Variants in MYH9 observed in about 807,000 individuals in gnomAD.
MYH9 encodes the protein myosin-9.
Under a neutral mutation model 241.9 loss-of-function variants are expected in MYH9, and 29 were observed. That is an observed-to-expected ratio of 0.12 (90% confidence interval 0.09 to 0.16). The LOEUF is 0.16. Among genes scored for constraint, MYH9 ranks in the 10% least tolerant of loss-of-function variants. The pLI is 1.00. For missense variants in MYH9, 1,803 were observed against 2,595.5 expected (o/e 0.69, Z 6.63); for synonymous variants, 1,047 against 1,062.6 (o/e 0.99, Z 0.29).
intron 1 of MYH9, among the ~76,000 whole-genome samples, chr22:36,364,222 A>C (rs984045011): frequency 6.6e-6 from 1 of 152,172 alleles, no homozygotes. Context: ...CACACAAAAA[A>C]AGCGAATGAA....
At position 36,295,411 on chromosome 22, in the gene MYH9, T is replaced by A; in HGVS notation, c.3485+94A>T. The A allele has an allele frequency of 1.0e-6, 1 of 987,982 alleles. No individual in the cohort carries two copies. Among genetic ancestry groups the A allele is most frequent in the Non-Finnish European group, 1.6e-6 (1 of 637,162 alleles). 61.2% of individuals were successfully genotyped at this position (987,982 alleles called of 1,614,324 possible). A position where few individuals can be genotyped will look rare whatever the true frequency, so the allele number is the denominator to read the frequency against. ...GCCTAAGAGGGCCACGGTGTGTGTG[T>A]GTGTGTGTGTGCAGAGGCCCGGGGT... On this transcript the variant is annotated intron_variant, in intron 26 of 40. Transcript: ENST00000216181. The surrounding 1 kb of genome is among the most constrained non-coding windows in gnomAD (Gnocchi z 4.1).
rs2016954929 is a variant in MYH9 at position 36,305,545 on chromosome 22, C to T, written c.2159+385G>A. ...AGTCATTAGAGAAACAGGAAGGTGT[C>T]GCCGTCTTCGCACACAGCAACGCAC... On this transcript the variant is annotated intron_variant, in intron 17 of 40. Transcript: ENST00000216181. The surrounding 1 kb of genome is among the most constrained non-coding windows in gnomAD (Gnocchi z 4.7). 6.6e-6 allele frequency among the ~76,000 whole-genome samples: 1 copy of T among 152,204 alleles called. No individual in the cohort carries two copies. Among genetic ancestry groups the T allele is most frequent in the South Asian group, 2.1e-4 (1 of 4,828 alleles).
chr22:36,362,382 T>C (rs990034989), intron 1 of MYH9, among the ~76,000 whole-genome samples: 2 of 152,166 alleles, frequency 1.3e-5, no homozygotes, highest in African/African-American at 4.8e-5. Context: ...CAGAGCATCT[T>C]AGGCACAGAT....
chr22:36,303,950 TG>T, intron 19 of MYH9, 44 bp downstream of exon 19: 5 of 1,609,068 alleles, frequency 3.1e-6, no homozygotes, highest in Non-Finnish European at 4.2e-6. Flanking sequence ...CAGAAGGGCG[TG>T]GCAAGGCCTG....
In MYH9 at chr22:36,320,382, A is replaced by G. The variant is rs1316883259; in HGVS notation, c.869-19T>C. Reference sequence around the variant, plus strand: ...AGATCGGCTGTAAGGGGTGGAGGGCAAGGGCGCCTCAGCGAGGTGCTGAAA... The same window carrying G: ...AGATCGGCTGTAAGGGGTGGAGGGCGAGGGCGCCTCAGCGAGGTGCTGAAA... On this transcript the variant is annotated intron_variant, in intron 8 of 40. Coordinates refer to ENST00000216181, the MANE Select transcript of MYH9 (RefSeq NM_002473.6). The surrounding 1 kb of genome is among the most constrained non-coding windows in gnomAD (Gnocchi z 4.8). 1 of 1,611,960 alleles carries G rather than the reference A, an allele frequency of 6.2e-7. No individual in the cohort carries two copies. Among genetic ancestry groups the G allele is most frequent in the Non-Finnish European group, 8.5e-7 (1 of 1,180,002 alleles).
At position 36,318,614 on chromosome 22, in the gene MYH9, G is replaced by A. The variant is rs1002246; in HGVS notation, c.1109-289C>T. Among the ~76,000 whole-genome samples the A allele has an allele frequency of 0.41, 62,867 of 151,922 alleles. 14,066 individuals carry two copies. Among genetic ancestry groups the A allele is most frequent in the East Asian group, 0.76 (3,891 of 5,132 alleles). On this transcript the variant is annotated intron_variant, in intron 10 of 40. Transcript: ENST00000216181. ...ACGGGGCAGAGAGGAAGGCGTCCTG[G>A]CTGGAGGCCACAGCGGCAGCAGTGG...
chr22:36,352,449 C>T (rs1005724222), intron 1 of MYH9, among the ~76,000 whole-genome samples: 1 of 152,234 alleles, frequency 6.6e-6, no homozygotes, highest in African/African-American at 2.4e-5. Flanking sequence ...CCAACCCTAA[C>T]AGCAAAGAAC....
intron 1 of MYH9, among the ~76,000 whole-genome samples, chr22:36,384,250 G>A (rs530250516): frequency 5.9e-5 from 9 of 151,356 alleles, no homozygotes; most frequent in Non-Finnish European, 1.2e-4. Flanking sequence ...TAGCCTGGGC[G>A]AGAGTGAGAC....
At chr22:36,321,870 A>G in intron 6 of MYH9, 49 bp from the exon 7 acceptor site, 1 of 1,517,266 alleles carries the variant, frequency 6.6e-7, no homozygotes, top group Non-Finnish European at 9.2e-7. Context: ...TGACATGGGG[A>G]GCTAGAGAGC....
Position 36,310,269 on chromosome 22 carries a change from C to CAA in MYH9, c.1729-875_1729-874dup, listed in dbSNP as rs575607583. On this transcript the variant is annotated intron_variant, in intron 14 of 40. Transcript: ENST00000216181. ...TGGGCAACAGAACAAGACTCCGTCT[C>CAA]AAAAAAAAAAAAAAAAGATAGAGAT... Among the ~76,000 whole-genome samples the CAA allele has an allele frequency of 1.9e-3, 252 of 133,888 alleles. 10 individuals carry two copies. The highest frequency in any genetic ancestry group is 4.1e-3 in the Middle Eastern group (1 of 244). 87.8% of individuals were successfully genotyped at this position (133,888 alleles called of 152,430 possible).
chr22:36,372,870 G>C (rs775181671), intron 1 of MYH9, among the ~76,000 whole-genome samples: 2 of 152,294 alleles, frequency 1.3e-5, no homozygotes, highest in African/African-American at 4.8e-5. Context: ...GGACTTGAGT[G>C]GGGAGCCGGG....
chr22:36,365,994 C>G (rs2018004636), intron 1 of MYH9, among the ~76,000 whole-genome samples: 1 of 152,070 alleles, frequency 6.6e-6, no homozygotes, highest in Non-Finnish European at 1.5e-5. Flanking sequence ...TTCAAGACAG[C>G]CTGGCCAACA....
chr22:36,289,428 G>A, intron 31 of MYH9, 131 bp from the exon 32 acceptor site: 1 of 801,158 alleles, frequency 1.2e-6, no homozygotes. Flanking sequence ...AGGAAGCACA[G>A]GCCCAGGGCT....
At position 36,284,182 on chromosome 22, in the gene MYH9, G is replaced by C; in HGVS notation, c.5676C>G (p.Ser1892=). ...AEEEAQRANA[S]RRKLQRELED... is the part of the protein sequence containing the mutation. ...CCAGCTCGCGCTGCAGTTTCCGGCG[G>C]GAGGCGTTGGCCCGCTGGGCCTCCT... Residue 1892 remains serine, a synonymous_variant, in exon 40 of 41, where the codon TCC becomes TCG. Coordinates refer to ENST00000216181, the MANE Select transcript of MYH9 (RefSeq NM_002473.6). The C allele has an allele frequency of 6.2e-7, 1 of 1,613,952 alleles. No individual in the cohort carries two copies. Among genetic ancestry groups the C allele is most frequent in the Non-Finnish European group, 8.5e-7 (1 of 1,179,962 alleles).
chr22:36,348,851 C>A lies in MYH9; in HGVS notation c.333+53G>T, dbSNP rs1010713304. The A allele has an allele frequency of 2.1e-5, 24 of 1,155,212 alleles. 2 individuals carry two copies. The East Asian group carries it at 2.1e-4, about 10-fold the overall frequency. 71.6% of individuals were successfully genotyped at this position (1,155,212 alleles called of 1,614,324 possible). A position where few individuals can be genotyped will look rare whatever the true frequency, so the allele number is the denominator to read the frequency against. On this transcript the variant is annotated intron_variant, in intron 2 of 40. Coordinates refer to ENST00000216181, the MANE Select transcript of MYH9 (RefSeq NM_002473.6). ...GTGATGGGAAGACCCGCCCCCCCCC[C>A]CCACCTCGGAGCCCTCAGACCCAGC...
Position 36,285,060 on chromosome 22 carries a change from T to C in MYH9, c.5483+61A>G, listed in dbSNP as rs2016555542. ...GTTGTGGCCCAGATTTGGGCAGGAC[T>C]GCAGGGGGGCCAGAGTTTTTTCCAG... On this transcript the variant is annotated intron_variant, in intron 38 of 40. Transcript: ENST00000216181. This position sits in a 1 kb window ranked among gnomAD's most constrained non-coding sequence, Gnocchi z 7.0. The C allele has an allele frequency of 2.6e-6, 4 of 1,526,042 alleles. 1 individual carries two copies. In the South Asian group the frequency reaches 4.5e-5, roughly 17 times the overall value. 94.5% of individuals were successfully genotyped at this position (1,526,042 alleles called of 1,614,324 possible).
rs768943131 is a variant in MYH9 at position 36,300,580 on chromosome 22, T to G, written c.2838+271A>C. ...GCAGGACGCAGAGGTGCTGGCCCTG[T>G]GCCCCTTCGGCTAGCCAGGGCCAGG... On this transcript the variant is annotated intron_variant, in intron 22 of 40. Coordinates refer to ENST00000216181, the MANE Select transcript of MYH9 (RefSeq NM_002473.6). This position sits in a 1 kb window ranked among gnomAD's most constrained non-coding sequence, Gnocchi z 5.0. Among the ~76,000 whole-genome samples the G allele has an allele frequency of 1.2e-4, 18 of 152,268 alleles. No individual in the cohort carries two copies. The highest frequency in any genetic ancestry group is 2.4e-4 in the Non-Finnish European group (16 of 68,002).
chr22:36,325,188 G>C lies in MYH9; in HGVS notation c.612+1380C>G, dbSNP rs573587962. ...GGATGGAGAGAGAGAGAGACAGAGA[G>C]GGAGACAGAAGAAAAGAAACTGTAT... On this transcript the variant is annotated intron_variant, in intron 5 of 40. Coordinates refer to ENST00000216181, the MANE Select transcript of MYH9 (RefSeq NM_002473.6). 59 of 712,390 alleles carry C rather than the reference G, an allele frequency of 8.3e-5. No individual in the cohort carries two copies. In the Admixed American group the frequency reaches 1.3e-3, roughly 15 times the overall value. The allele number at this position is 712,390 out of a possible 1,614,324, so 44.1% of individuals were successfully genotyped here. A position where few individuals can be genotyped will look rare whatever the true frequency, so the allele number is the denominator to read the frequency against.
chr22:36,303,882 T>A, intron 19 of MYH9, 113 bp downstream of exon 19: 2 of 1,255,572 alleles, frequency 1.6e-6, no homozygotes, highest in Non-Finnish European at 2.2e-6. Context: ...CACCTGGGCC[T>A]CCCTGACAGG....
Sources: gnomAD v4.1 joint callset for allele counts (sites outside exome capture counted in the v4.1 genomes callset) on GRCh38, gnomAD v4.1.1 for gene constraint, Gnocchi (gnomAD v3.1) non-coding constraint, MANE v1.5 for transcripts, NCBI Gene and HGNC (gene_info 2026-07-23, HGNC 2026-07-21) for gene names.